The following MYO10 variants were observed in gnomAD, a reference collection of about 807,000 sequenced individuals.
MYO10 encodes the protein unconventional myosin-X.
In MYO10, 133 loss-of-function variants were observed where a neutral mutation model predicts 257.3. That is an observed-to-expected ratio of 0.52 (90% CI 0.45 to 0.60). MYO10 has a LOEUF of 0.60. MYO10 is among the 20% of genes least tolerant of loss of function. The pLI is 0.00. For missense variants in MYO10, 2,399 were observed against 2,635.7 expected, an observed-to-expected ratio of 0.91 and a Z score of 1.97; for synonymous variants, 1,104 against 1,028.6, an observed-to-expected ratio of 1.07 and a Z score of -1.40.
chr5:16,808,041 G>A (rs993258002), intron 3 of MYO10, among the ~76,000 whole-genome samples: 6 of 152,142 alleles, frequency 3.9e-5, no homozygotes, highest in African/African-American at 7.2e-5. Flanking sequence ...CATCAGCATC[G>A]ATATGCTGAG....
chr5:16,678,574 G>A (rs756926744), intron 33 of MYO10, among the ~76,000 whole-genome samples: 11 of 152,134 alleles, frequency 7.2e-5, no homozygotes, highest in Non-Finnish European at 1.2e-4. Context: ...GCAAGACTCC[G>A]TCCTCCGTCT....
intron 19 of MYO10, among the ~76,000 whole-genome samples, chr5:16,741,433 T>C (rs1405210620): frequency 6.6e-6 from 1 of 152,222 alleles, no homozygotes; most frequent in Non-Finnish European, 1.5e-5. Flanking sequence ...GCTGGATGAC[T>C]GCAGTGTATA....
intron 19 of MYO10, among the ~76,000 whole-genome samples, chr5:16,744,638 C>CT (rs140317457): frequency 0.024 from 3,629 of 152,210 alleles, 156 homozygotes; most frequent in East Asian, 0.13. Context: ...ACTAAGCAGG[C>CT]TTGCAGAGGG....
intron 3 of MYO10, among the ~76,000 whole-genome samples, chr5:16,803,430 A>C (rs1742181394): frequency 6.6e-6 from 1 of 151,670 alleles, no homozygotes; most frequent in Admixed American, 6.6e-5. Context: ...TCTCAAAAGA[A>C]AAAAAAAAGT....
rs77404051 is a variant in MYO10, at chr5:16,668,281, C to G, written c.6071G>C (p.Ser2024Thr). Residue 2024 changes from serine to threonine, a missense_variant, in exon 40 of 41, where the codon AGT (serine) becomes ACT (threonine). Transcript: ENST00000513610. Reference protein sequence around the residue: ...VDERELLFETSEVVDVAKLMK... With the variant: ...VDERELLFETTEVVDVAKLMK... ...TGAACTTGCTTTGCCTCTTACCTCACTGGTTTCAAAGAGCAGCTCCCTCTC... is the reference window on the plus strand; with the variant it reads ...TGAACTTGCTTTGCCTCTTACCTCAGTGGTTTCAAAGAGCAGCTCCCTCTC... 4,376 of 1,608,546 alleles carry G rather than the reference C, an allele frequency of 2.7e-3. 80 individuals are homozygous for G. In the African/African-American group the frequency reaches 0.05, roughly 19 times the overall value.
chr5:16,817,694 C>G (rs1580025793), intron 3 of MYO10, among the ~76,000 whole-genome samples: 1 of 152,298 alleles, frequency 6.6e-6, no homozygotes, highest in Middle Eastern at 3.4e-3. Context: ...GTCTACAACT[C>G]CATGACTTCT....
At chr5:16,912,216 C>A (rs116402451) in intron 1 of MYO10, among the ~76,000 whole-genome samples, 3 of 152,136 alleles carry the variant, frequency 2.0e-5, no homozygotes, top group African/African-American at 7.2e-5. Context: ...AAGTTTTGTT[C>A]GGCCCACTAG....
intron 1 of MYO10, among the ~76,000 whole-genome samples, chr5:16,887,196 A>G (rs1744920762): frequency 6.6e-6 from 1 of 152,168 alleles, no homozygotes; most frequent in Non-Finnish European, 1.5e-5. Context: ...AAACTCTGTC[A>G]CCACTAGGAA....
At chr5:16,906,829 T>G (rs776764370) in intron 1 of MYO10, among the ~76,000 whole-genome samples, 8 of 152,068 alleles carry the variant, frequency 5.3e-5, no homozygotes, top group Non-Finnish European at 8.8e-5. Flanking sequence ...GAAAAGTATC[T>G]GGCCAGGCAC....
At chr5:16,764,619 C>T (rs1740811415) in intron 11 of MYO10, among the ~76,000 whole-genome samples, 1 of 152,256 alleles carries the variant, frequency 6.6e-6, no homozygotes, top group African/African-American at 2.4e-5. Context: ...GGATTCCAAA[C>T]TCAACTTGCT....
At chr5:16,925,458 T>A (rs1435930973) in intron 1 of MYO10, among the ~76,000 whole-genome samples, 1 of 152,138 alleles carries the variant, frequency 6.6e-6, no homozygotes, top group African/African-American at 2.4e-5. Context: ...ACAGAGTAAG[T>A]AAGAGTAGGT....
chr5:16,732,544 G>A (rs1276696984), intron 19 of MYO10, among the ~76,000 whole-genome samples: 1 of 152,166 alleles, frequency 6.6e-6, no homozygotes, highest in South Asian at 2.1e-4. Flanking sequence ...GAAAAATCAT[G>A]CTGAGAAATA....
In MYO10 at chr5:16,663,835, A is replaced by G. The variant is rs1736061628; in HGVS notation, c.*2857T>C. 7.1e-6 allele frequency: 1 copy of G among 140,362 alleles called. No homozygotes were observed. The highest frequency in any genetic ancestry group is 2.7e-5 in the African/African-American group (1 of 37,354). 8.7% of individuals were successfully genotyped at this position (140,362 alleles called of 1,614,324 possible). ...GAAAGATGTGTGCAGGTTCTATGCA[A>G]ATATTATACCACTGTATAGCAGGGA... On this transcript the variant is annotated 3_prime_UTR_variant, in exon 41 of 41. Coordinates refer to ENST00000513610, the MANE Select transcript of MYO10 (RefSeq NM_012334.3).
At chr5:16,757,300 AAACACACACACACACG>A (rs1229125343) in intron 18 of MYO10, among the ~76,000 whole-genome samples, 5 of 77,728 alleles carry the variant, frequency 6.4e-5, no homozygotes, top group African/African-American at 1.7e-4. Flanking sequence ...ACACACACAC[AAACACACACACACACG>A]CACACACACA....
chr5:16,728,219 G>A (rs1466698882), intron 19 of MYO10, among the ~76,000 whole-genome samples: 1 of 152,024 alleles, frequency 6.6e-6, no homozygotes, highest in African/African-American at 2.4e-5. Flanking sequence ...ATGGCCCTGC[G>A]TGTGCATGGA....
intron 2 of MYO10, among the ~76,000 whole-genome samples, chr5:16,857,752 A>G (rs1311346819): frequency 6.6e-6 from 1 of 152,182 alleles, no homozygotes; most frequent in Non-Finnish European, 1.5e-5. Flanking sequence ...CACTGGGAAA[A>G]CAAAGCAATT....
chr5:16,758,756 A>AT (rs1740608297), intron 17 of MYO10, among the ~76,000 whole-genome samples: 1 of 152,116 alleles, frequency 6.6e-6, no homozygotes, highest in Non-Finnish European at 1.5e-5. Context: ...AATGGAGATA[A>AT]TTTTTTAATT....
intron 19 of MYO10, among the ~76,000 whole-genome samples, chr5:16,733,662 A>T (rs1414978546): frequency 3.9e-5 from 6 of 152,158 alleles, no homozygotes; most frequent in Admixed American, 3.9e-4. Context: ...CATAATGGGA[A>T]ATTAGCCAGC....
chr5:16,783,597 G>A, intron 4 of MYO10, 128 bp from the exon 5 acceptor site: 1 of 1,065,390 alleles, frequency 9.4e-7, no homozygotes, highest in Non-Finnish European at 1.3e-6. Context: ...AGATCAAAAT[G>A]CCTGTTTCCA....
Sources: allele counts gnomAD v4.1 joint callset (sites outside exome capture counted in the v4.1 genomes callset), GRCh38; gene constraint gnomAD v4.1.1; transcripts MANE v1.5; gene names NCBI Gene and HGNC (gene_info 2026-07-23, HGNC 2026-07-21).